Variants in TYW1 observed in about 807,000 individuals in gnomAD.
TYW1 encodes S-adenosyl-L-methionine-dependent tRNA 4-demethylwyosine synthase TYW1.
A neutral mutation model predicts 96.2 loss-of-function variants in TYW1; 46 were observed. That is an observed-to-expected ratio of 0.48 (90% confidence interval 0.38 to 0.61). The LOEUF is 0.61. TYW1 is among the 20% of genes least tolerant of loss of function. TYW1 has a pLI of 0.00. For synonymous variants in TYW1, 274 were observed against 323.0 expected (o/e 0.85, Z 1.63); for missense variants, 684 against 909.6 (o/e 0.75, Z 3.19).
chr7:67,189,403 G>A lies in TYW1; in HGVS notation c.1810-5767G>A, dbSNP rs113058826. On this transcript the variant is annotated intron_variant, in intron 14 of 15. Coordinates refer to ENST00000359626, the MANE Select transcript of TYW1 (RefSeq NM_018264.4). ...GTGTGTTCATGTGTGTGTTGTGTGC[G>A]TGTGTTGTGTGTATGTGCATGTGTG... Among the ~76,000 whole-genome samples the A allele has an allele frequency of 4.6e-4, 36 of 78,244 alleles. No homozygotes were observed. In the East Asian group the frequency reaches 6.9e-3, roughly 15 times the overall value. 51.3% of individuals were successfully genotyped at this position (78,244 alleles called of 152,430 possible).
chr7:67,078,589 TTAAC>T (rs1796282583), intron 10 of TYW1, among the ~76,000 whole-genome samples: 1 of 152,244 alleles, frequency 6.6e-6, no homozygotes. Flanking sequence ...TATGATAACT[TTAAC>T]TATATTTATT....
intron 10 of TYW1, among the ~76,000 whole-genome samples, chr7:67,082,161 C>T (rs542293131): frequency 6.6e-6 from 1 of 151,942 alleles, no homozygotes; most frequent in South Asian, 2.1e-4. Context: ...TATTGTGTTT[C>T]TTTGGGAGTG....
chr7:67,070,566 A>T (rs1280451049), intron 10 of TYW1, among the ~76,000 whole-genome samples: 1 of 151,592 alleles, frequency 6.6e-6, no homozygotes, highest in African/African-American at 2.4e-5. Context: ...TTCAGTTATT[A>T]TTCTTTCACA....
intron 15 of TYW1, among the ~76,000 whole-genome samples, chr7:67,214,983 C>T (rs534194730): frequency 4.1e-4 from 62 of 150,352 alleles, no homozygotes; most frequent in Admixed American, 1.5e-3. Flanking sequence ...ATCTTTATCT[C>T]ATTTTGGTAT....
At chr7:67,038,768 G>A (rs560276034) in intron 7 of TYW1, among the ~76,000 whole-genome samples, 1 of 152,116 alleles carries the variant, frequency 6.6e-6, no homozygotes, top group Non-Finnish European at 1.5e-5. Flanking sequence ...GCCGGGTATG[G>A]TGGCGCATGC....
intron 13 of TYW1, among the ~76,000 whole-genome samples, chr7:67,148,023 G>T (rs1798661492): frequency 6.6e-6 from 1 of 151,910 alleles, no homozygotes; most frequent in Non-Finnish European, 1.5e-5. Flanking sequence ...CAATGGTTTG[G>T]TGGAGATGGA....
At chr7:67,041,116 G>C (rs565487774) in intron 7 of TYW1, among the ~76,000 whole-genome samples, 1 of 151,966 alleles carries the variant, frequency 6.6e-6, no homozygotes, top group Non-Finnish European at 1.5e-5. Context: ...GGAAAAATAC[G>C]TGTTTTTTCC....
intron 10 of TYW1, among the ~76,000 whole-genome samples, chr7:67,082,618 G>A (rs974068191): frequency 2.0e-5 from 3 of 152,010 alleles, no homozygotes; most frequent in Non-Finnish European, 4.4e-5. Context: ...GGGCCTGAAG[G>A]GCACATGGTA....
intron 15 of TYW1, among the ~76,000 whole-genome samples, chr7:67,231,463 G>A (rs1801746336): frequency 6.6e-6 from 1 of 152,186 alleles, no homozygotes; most frequent in African/African-American, 2.4e-5. Flanking sequence ...ACAACTTCTA[G>A]GAGATTCCTA....
Position 66,996,969 on chromosome 7 carries a change from T to G in TYW1, c.-10T>G. The G allele has an allele frequency of 1.2e-6, 2 of 1,614,142 alleles. No homozygotes were observed. Among genetic ancestry groups the G allele is most frequent in the African/African-American group, 2.7e-5 (2 of 75,054 alleles). ...TCCGAGATCCTAGTCTCCTGTCGGC[T>G]CTGAGGAGGATGGGTAAGGGCACTC... On this transcript the variant is annotated 5_prime_UTR_variant, in exon 1 of 16. Transcript: ENST00000359626.
At chr7:67,096,684 A>G (rs1023055435) in intron 11 of TYW1, among the ~76,000 whole-genome samples, 1 of 151,892 alleles carries the variant, frequency 6.6e-6, no homozygotes, top group African/African-American at 2.4e-5. Context: ...TCACCCAGGT[A>G]TTAAGCCCAG....
chr7:67,053,007 T>C (rs11771894), intron 8 of TYW1, among the ~76,000 whole-genome samples: 4,782 of 151,682 alleles, frequency 0.032, 107 homozygotes, highest in Non-Finnish European at 0.049. Flanking sequence ...TCCCAAACTG[T>C]TGGGATTACA....
chr7:67,113,428 T>C (rs1431746144), intron 12 of TYW1, among the ~76,000 whole-genome samples: 1 of 152,198 alleles, frequency 6.6e-6, no homozygotes, highest in Non-Finnish European at 1.5e-5. Context: ...GCAGTCAGAA[T>C]CTGCATTTCA....
chr7:67,168,686 T>G (rs766877857), intron 13 of TYW1, among the ~76,000 whole-genome samples: 95 of 152,246 alleles, frequency 6.2e-4, no homozygotes, highest in Non-Finnish European at 4.4e-4. Context: ...AGTAATAGTA[T>G]GCATATTTTT....
rs562971670 is a variant in TYW1 at position 67,176,327 on chromosome 7, C to T, written c.1699-6799C>T. On this transcript the variant is annotated intron_variant, in intron 13 of 15. Coordinates refer to ENST00000359626, the MANE Select transcript of TYW1 (RefSeq NM_018264.4). ...GTTGTAAAAGTATCATTTCTCCATACACTGATTATATTTATTTATGGTAGC... is the reference window on the plus strand; with the variant it reads ...GTTGTAAAAGTATCATTTCTCCATATACTGATTATATTTATTTATGGTAGC... Among the ~76,000 whole-genome samples, 12 of 152,248 alleles carry T rather than the reference C, an allele frequency of 7.9e-5. No homozygotes were observed. The East Asian group carries it at 1.9e-3, about 24-fold the overall frequency.
chr7:67,202,623 C>G (rs999251358), intron 15 of TYW1, among the ~76,000 whole-genome samples: 3 of 152,126 alleles, frequency 2.0e-5, no homozygotes, highest in Non-Finnish European at 4.4e-5. Flanking sequence ...TGTCAAACTC[C>G]TGGGCTCGAG....
chr7:67,007,520 G>A (rs183667288), intron 3 of TYW1, among the ~76,000 whole-genome samples: 7 of 152,200 alleles, frequency 4.6e-5, no homozygotes, highest in Admixed American at 4.6e-4. Context: ...CCTCCTATTC[G>A]AGCTCACTTC....
intron 11 of TYW1, among the ~76,000 whole-genome samples, chr7:67,090,744 T>C (rs1211239231): frequency 1.3e-5 from 2 of 152,290 alleles, no homozygotes; most frequent in South Asian, 2.1e-4. Flanking sequence ...AACAGCACTA[T>C]CGATTTGCTG....
rs148165663 is a variant in TYW1 at position 67,098,539 on chromosome 7, A to G, written c.1385-2A>G. The G allele has an allele frequency of 2.5e-6, 4 of 1,570,452 alleles. No homozygotes were observed. In the African/African-American group the frequency reaches 4.1e-5, roughly 16 times the overall value. Reference sequence around the variant, plus strand: ...CTGGGTCCTTCTCACTGTATTCTCCAGGAGTACCGGGCGTCAAAGCAGAAC... The same window carrying G: ...CTGGGTCCTTCTCACTGTATTCTCCGGGAGTACCGGGCGTCAAAGCAGAAC... On this transcript the variant is annotated splice_acceptor_variant, in intron 11 of 15. Coordinates refer to ENST00000359626, the MANE Select transcript of TYW1 (RefSeq NM_018264.4). LOFTEE classifies it high-confidence loss of function.
Sources: allele counts gnomAD v4.1 joint callset (sites outside exome capture counted in the v4.1 genomes callset), GRCh38; gene constraint gnomAD v4.1.1; transcripts MANE v1.5; gene names NCBI Gene and HGNC (gene_info 2026-07-23, HGNC 2026-07-21).